The following CYTH3 variants were observed in gnomAD, a reference collection of about 807,000 sequenced individuals.
CYTH3 encodes the protein cytohesin 3.
A neutral mutation model predicts 55.1 loss-of-function variants in CYTH3; 23 were observed. The ratio of observed to expected loss-of-function variants is 0.42; its 90% CI spans 0.30 to 0.59. CYTH3 has a LOEUF of 0.59. Among genes scored for constraint, CYTH3 ranks in the 20% least tolerant of loss-of-function variants. CYTH3 has a pLI of 0.20. For missense variants in CYTH3, 413 were observed against 524.8 expected, an observed-to-expected ratio of 0.79 and a Z score of 2.08; for synonymous variants, 249 against 194.9, an observed-to-expected ratio of 1.28 and a Z score of -2.31.
chr7:6,179,836 CAT>C (rs1159487996), intron 4 of CYTH3, among the ~76,000 whole-genome samples: 17 of 127,932 alleles, frequency 1.3e-4, no homozygotes, highest in African/African-American at 5.2e-4. Context: ...ACGCACACCA[CAT>C]ACACCACACC....
At chr7:6,257,720 A>G in intron 1 of CYTH3, among the ~76,000 whole-genome samples, 1 of 152,220 alleles carries the variant, frequency 6.6e-6, no homozygotes, top group East Asian at 1.9e-4. Context: ...TGAATGAATG[A>G]CAGAATGAAA....
intron 1 of CYTH3, among the ~76,000 whole-genome samples, chr7:6,250,996 G>A (rs1471289232): frequency 1.3e-5 from 2 of 152,152 alleles, no homozygotes; most frequent in Admixed American, 6.5e-5. Flanking sequence ...AATCTGAGAA[G>A]AGCCGGGCTC....
At chr7:6,241,722 G>A (rs546939314) in intron 1 of CYTH3, among the ~76,000 whole-genome samples, 267 of 152,250 alleles carry the variant, frequency 1.8e-3, no homozygotes, top group Middle Eastern at 3.4e-3. Flanking sequence ...TTTAAAAAAA[G>A]TGGTGGGGTT....
At chr7:6,189,390 C>T (rs1400260568) in intron 2 of CYTH3, among the ~76,000 whole-genome samples, 2 of 152,120 alleles carry the variant, frequency 1.3e-5, no homozygotes, top group African/African-American at 2.4e-5. Context: ...TTCACTGTAG[C>T]CTCAGCTTCT....
chr7:6,227,350 TAAA>T (rs374753249), intron 1 of CYTH3, among the ~76,000 whole-genome samples: 9 of 148,840 alleles, frequency 6.0e-5, no homozygotes, highest in Admixed American at 2.0e-4. Flanking sequence ...GCAAATGGTT[TAAA>T]AAAAAAAGTC....
rs1398340937 is a variant in CYTH3, at chr7:6,162,236, CAGGG to C, written c.*2704_*2707del. 2.0e-5 allele frequency: 3 copies of C among 152,362 alleles called. No homozygotes were observed. The highest frequency in any genetic ancestry group is 7.2e-5 in the African/African-American group (3 of 41,460). The allele number at this position is 152,362 out of a possible 1,614,324, so 9.4% of individuals were successfully genotyped here. On this transcript the variant is annotated 3_prime_UTR_variant, in exon 13 of 13. Transcript: ENST00000350796. Reference sequence around the variant, plus strand: ...CACAAAGTTGCTGCTTATCTGGGTCCAGGGTCAGTACAATTAAACTCAAATATGA... The same window carrying C: ...CACAAAGTTGCTGCTTATCTGGGTCCTCAGTACAATTAAACTCAAATATGA...
Position 6,171,300 on chromosome 7 carries a change from C to G in CYTH3, c.464G>C (p.Ser155Thr), listed in dbSNP as rs1161617589. 1 of 1,614,060 alleles carries G rather than the reference C, an allele frequency of 6.2e-7. No homozygotes were observed. Among genetic ancestry groups the G allele is most frequent in the Non-Finnish European group, 8.5e-7 (1 of 1,180,006 alleles). Residue 155 changes from serine (S) to threonine (T), a missense_variant, in exon 7 of 13, where the codon AGC becomes ACC. This residue lies in a region of CYTH3 where 156 missense variants were observed against 233.1 expected (regional missense o/e 0.67). Coordinates refer to ENST00000350796, the MANE Select transcript of CYTH3 (RefSeq NM_004227.4). The surrounding 1 kb of genome is among the most constrained non-coding windows in gnomAD (Gnocchi z 6.7). Reference sequence around the variant, plus strand: ...CTGCGCCTCCCCGGGCAGCCTGAAGCTCCATAAGAACTGCCTGTGGAGACA... The same window carrying G: ...CTGCGCCTCCCCGGGCAGCCTGAAGGTCCATAAGAACTGCCTGTGGAGACA... ...LVQALRQFLW[S>T]FRLPGEAQKI...
At chr7:6,195,978 C>T (rs904642408) in intron 1 of CYTH3, among the ~76,000 whole-genome samples, 6 of 152,188 alleles carry the variant, frequency 3.9e-5, no homozygotes, top group African/African-American at 1.2e-4. Context: ...GGTAGCTCAA[C>T]GATGTCATCG....
In CYTH3 at chr7:6,167,296, C is replaced by A. The variant is rs1215140881; in HGVS notation, c.824-1486G>T. ...GCAGGAGACCCTGGGGGCAACCTGC[C>A]TTGTCCCACAGTCCTCCAGTGAGCA... On this transcript the variant is annotated intron_variant, in intron 9 of 12. Transcript: ENST00000350796. The surrounding 1 kb of genome is among the most constrained non-coding windows in gnomAD (Gnocchi z 5.5). Among the ~76,000 whole-genome samples, 1 of 152,238 alleles carries A rather than the reference C, an allele frequency of 6.6e-6. No individual in the cohort carries two copies. Among genetic ancestry groups the A allele is most frequent in the African/African-American group, 2.4e-5 (1 of 41,462 alleles).
chr7:6,219,123 G>C (rs929982348), intron 1 of CYTH3, among the ~76,000 whole-genome samples: 8 of 151,734 alleles, frequency 5.3e-5, no homozygotes, highest in Non-Finnish European at 8.8e-5. Flanking sequence ...ACCGTTGGTA[G>C]AAAAATGGAC....
At chr7:6,227,622 A>G (rs1779289078) in intron 1 of CYTH3, among the ~76,000 whole-genome samples, 2 of 152,226 alleles carry the variant, frequency 1.3e-5, no homozygotes, top group Admixed American at 6.5e-5. Context: ...GGCTTTAGGC[A>G]GCTTTGCCAA....
intron 1 of CYTH3, among the ~76,000 whole-genome samples, chr7:6,223,248 G>A (rs1056668884): frequency 6.6e-6 from 1 of 152,070 alleles, no homozygotes; most frequent in Non-Finnish European, 1.5e-5. Context: ...GAACTGAGGA[G>A]CGCCTGTGCC....
chr7:6,197,651 C>T (rs1364255447), intron 1 of CYTH3, among the ~76,000 whole-genome samples: 1 of 152,028 alleles, frequency 6.6e-6, no homozygotes, highest in Non-Finnish European at 1.5e-5. Flanking sequence ...CCATTGCCCT[C>T]CAGCCTGGGC....
intron 1 of CYTH3, among the ~76,000 whole-genome samples, chr7:6,254,042 T>C (rs181087482): frequency 1.6e-3 from 236 of 151,224 alleles, no homozygotes; most frequent in African/African-American, 5.2e-3. Flanking sequence ...GGAGGCCAGG[T>C]GCAGTGGCAG....
At position 6,171,371 on chromosome 7, in the gene CYTH3, C is replaced by T. The variant is rs1583735735; in HGVS notation, c.450-57G>A. Reference sequence around the variant, plus strand: ...ATCAGAACCAACACCGCCTCACGGCCAAGGGCGGCTTCTGCCCAGCTCAGG... The same window carrying T: ...ATCAGAACCAACACCGCCTCACGGCTAAGGGCGGCTTCTGCCCAGCTCAGG... On this transcript the variant is annotated intron_variant, in intron 6 of 12. Coordinates refer to ENST00000350796, the MANE Select transcript of CYTH3 (RefSeq NM_004227.4). This position sits in a 1 kb window ranked among gnomAD's most constrained non-coding sequence, Gnocchi z 6.7. The T allele has an allele frequency of 1.9e-6, 3 of 1,551,140 alleles. No individual in the cohort carries two copies. The East Asian group carries it at 6.7e-5, about 35-fold the overall frequency.
chr7:6,245,840 G>A (rs1347339635), intron 1 of CYTH3, among the ~76,000 whole-genome samples: 1 of 152,192 alleles, frequency 6.6e-6, no homozygotes, highest in Non-Finnish European at 1.5e-5. Flanking sequence ...GGAGGTCAAG[G>A]TTGCAATGAG....
At chr7:6,186,850 C>G (rs1462422713) in intron 4 of CYTH3, among the ~76,000 whole-genome samples, 200 bp downstream of exon 4, 1 of 152,206 alleles carries the variant, frequency 6.6e-6, no homozygotes, top group Non-Finnish European at 1.5e-5. Flanking sequence ...GCCTTTCTGC[C>G]CAGGGCACCA....
Position 6,259,759 on chromosome 7 carries a change from A to AT in CYTH3, c.34+12714dup, listed in dbSNP as rs1266130558. On this transcript the variant is annotated intron_variant, in intron 1 of 12. Coordinates refer to ENST00000350796, the MANE Select transcript of CYTH3 (RefSeq NM_004227.4). ...CATATATATAATATATATATATATT[A>AT]TATATATATATATTATATATATATA... Among the ~76,000 whole-genome samples the AT allele has an allele frequency of 3.0e-4, 8 of 26,584 alleles. 1 individual carries two copies. In the East Asian group the frequency reaches 3.8e-3, roughly 12 times the overall value. 17.4% of individuals were successfully genotyped at this position (26,584 alleles called of 152,430 possible).
At chr7:6,220,485 A>G (rs1784526409) in intron 1 of CYTH3, among the ~76,000 whole-genome samples, 1 of 151,810 alleles carries the variant, frequency 6.6e-6, no homozygotes, top group African/African-American at 2.4e-5. Context: ...AATAAATTGG[A>G]CATCAAAATT....
Sources: gnomAD v4.1 joint callset for allele counts (sites outside exome capture counted in the v4.1 genomes callset) on GRCh38, gnomAD v4.1.1 for gene constraint, gnomAD v4.1.1 regional missense constraint, Gnocchi (gnomAD v3.1) non-coding constraint, MANE v1.5 for transcripts, NCBI Gene and HGNC (gene_info 2026-07-23, HGNC 2026-07-21) for gene names.